The following VWA2 variants were observed in gnomAD, a reference collection of about 807,000 sequenced individuals.
The protein encoded by VWA2 is von Willebrand factor A domain containing 2, also known as von Willebrand factor A domain-containing protein 2.
VWA2 carries 73 observed loss-of-function variants against 70.4 expected under a neutral mutation model. That is an observed-to-expected ratio of 1.04 (90% CI 0.86 to 1.26). The LOEUF is 1.26. VWA2 is among the 50% of genes most tolerant of loss of function. The pLI is 0.00. For synonymous variants in VWA2, 407 were observed against 423.3 expected (o/e 0.96, Z 0.47); for missense variants, 1,011 against 998.5 (o/e 1.01, Z -0.17).
At chr10:114,269,445 G>C (rs2037657605) in intron 5 of VWA2, among the ~76,000 whole-genome samples, 1 of 152,178 alleles carries the variant, frequency 6.6e-6, no homozygotes, top group Admixed American at 6.5e-5. Flanking sequence ...GCAGGGCATG[G>C]TGGTGAGTGC....
intron 5 of VWA2, among the ~76,000 whole-genome samples, chr10:114,267,921 C>T (rs1434455559): frequency 6.6e-6 from 1 of 152,078 alleles, no homozygotes; most frequent in African/African-American, 2.4e-5. Flanking sequence ...CATTAAGTCT[C>T]CTGAGAGATT....
In VWA2 at chr10:114,284,964, A is replaced by G. The variant is rs1169197418; in HGVS notation, c.991A>G (p.Asn331Asp). Residue 331 changes from asparagine to aspartate, a missense_variant, in exon 10 of 14, where the codon AAC becomes GAC. Physicochemically the swap from Asn to Asp is conservative, Grantham distance 23. Transcript: ENST00000392982. ...CCCGCTGGCCTTTGGAGGGGAGGCT[A>G]ACTGTGGTAGGTATGCACCGGCCCT... ...LCPLAFGGEA[N>D]CALKLSLECR... is the part of the protein sequence containing the mutation. 2 of 1,597,346 alleles carry G rather than the reference A, an allele frequency of 1.3e-6. No individual in the cohort carries two copies. The highest frequency in any genetic ancestry group is 4.6e-5 in the East Asian group (2 of 43,640).
At position 114,289,313 on chromosome 10, in the gene VWA2, C is replaced by T; in HGVS notation, c.1946C>T (p.Ala649Val). The change falls in exon 12 of 14, where the codon GCC becomes GTC. Residue 649 changes from alanine (A) to valine (V), a missense_variant. Transcript: ENST00000392982. ...GGCGGGAGAGGCGCAGAGGATGCAG[C>T]CGTTCCTGCCCAGAAGCTGAGGAAC... ...LTGGRGAEDAAVPAQKLRNNG... is the reference protein window; with the variant it reads ...LTGGRGAEDAVVPAQKLRNNG... 1 of 1,614,184 alleles carries T rather than the reference C, an allele frequency of 6.2e-7. No homozygotes were observed. Among genetic ancestry groups the T allele is most frequent in the South Asian group, 1.1e-5 (1 of 91,080 alleles).
chr10:114,272,983 G>A (rs752157201), intron 6 of VWA2, 49 bp downstream of exon 6: 1 of 1,530,990 alleles, frequency 6.5e-7, no homozygotes, highest in Non-Finnish European at 8.9e-7. Flanking sequence ...TCAGCCTGGG[G>A]ATCGTGACAT....
At position 114,292,837 on chromosome 10, in the gene VWA2, C is replaced by T. The variant is rs1053458257; in HGVS notation, c.*1600C>T. On this transcript the variant is annotated 3_prime_UTR_variant, in exon 14 of 14. Transcript: ENST00000392982. The stretch of plus-strand genomic sequence containing the variant: ...TCTCATGCCTCAGCCTCTTGAGTAG[C>T]TGGGATTAGAGGCAGGTGCCACCAT... Among the ~76,000 whole-genome samples the T allele has an allele frequency of 1.8e-4, 27 of 152,130 alleles. No homozygotes were observed. Among genetic ancestry groups the T allele is most frequent in the Admixed American group, 1.5e-3 (23 of 15,274 alleles).
chr10:114,246,179 A>G, intron 1 of VWA2: 1 of 1,191,096 alleles, frequency 8.4e-7, no homozygotes, highest in Non-Finnish European at 1.2e-6. Context: ...TTTTGAGGCA[A>G]ACGTACACCA....
At position 114,272,787 on chromosome 10, in the gene VWA2, G is replaced by C. The variant is rs1455596557; in HGVS notation, c.419G>C (p.Arg140Thr). Residue 140 changes from arginine (R) to threonine (T), a missense_variant, in exon 6 of 14, where the codon AGA (arginine) becomes ACA (threonine). Transcript: ENST00000392982. ...CTTGCTCTGAAATACCTTCTGCACA[G>C]AGGGTTGCCTGGAGGCAGAAATGCT... ...TELALKYLLH[R>T]GLPGGRNASV... 6.2e-7 allele frequency: 1 copy of C among 1,613,852 alleles called. No individual in the cohort carries two copies. The highest frequency in any genetic ancestry group is 1.1e-5 in the South Asian group (1 of 90,964).
intron 8 of VWA2, chr10:114,280,736 T>G (rs2038045074): frequency 6.6e-6 from 1 of 152,014 alleles, no homozygotes; most frequent in African/African-American, 2.4e-5. Context: ...TTGGCAAACT[T>G]TGTTTTTATT....
At chr10:114,266,903 T>A (rs1441085214) in intron 5 of VWA2, among the ~76,000 whole-genome samples, 7 of 152,194 alleles carry the variant, frequency 4.6e-5, no homozygotes. Context: ...TCCTTTTTTT[T>A]CCCCCTTAAT....
At chr10:114,284,048 G>A (rs965057822) in intron 9 of VWA2, among the ~76,000 whole-genome samples, 6 of 152,214 alleles carry the variant, frequency 3.9e-5, no homozygotes, top group African/African-American at 1.4e-4. Context: ...CCCTGGGAAG[G>A]AGGTCATGTG....
chr10:114,264,287 A>G (rs2037512337), intron 5 of VWA2, among the ~76,000 whole-genome samples: 1 of 152,264 alleles, frequency 6.6e-6, no homozygotes, highest in African/African-American at 2.4e-5. Flanking sequence ...TGTATATCCA[A>G]ACAATGGAAT....
chr10:114,273,176 A>AT (rs1445205425), intron 6 of VWA2, among the ~76,000 whole-genome samples: 13 of 152,172 alleles, frequency 8.5e-5, no homozygotes, highest in Non-Finnish European at 5.9e-5. Context: ...CTCTGCTGAA[A>AT]TTTATTTGGG....
At chr10:114,288,676 G>A (rs939494245) in intron 11 of VWA2, among the ~76,000 whole-genome samples, 3 of 152,218 alleles carry the variant, frequency 2.0e-5, no homozygotes, top group South Asian at 2.1e-4. Context: ...AATTGATCAC[G>A]TCCGTCAGAT....
Position 114,254,922 on chromosome 10 carries a change from G to C in VWA2, c.135G>C (p.Trp45Cys). ...GKISAASKMM[W>C]CSAAVDIMFL... ...CTGTCCCGCTCTCCCTAGTGATGTG[G>C]TGCTCGGCTGCAGTGGACATCATGT... Residue 45 changes from tryptophan (W) to cysteine (C), a missense_variant, in exon 4 of 14, where the codon TGG (tryptophan) becomes TGC (cysteine). Physicochemically the swap from Trp to Cys is radical, Grantham distance 215. Transcript: ENST00000392982. 1 of 1,613,358 alleles carries C rather than the reference G, an allele frequency of 6.2e-7. No individual in the cohort carries two copies.
intron 11 of VWA2, among the ~76,000 whole-genome samples, chr10:114,288,656 A>G (rs775289239): frequency 1.3e-5 from 2 of 152,252 alleles, no homozygotes; most frequent in Non-Finnish European, 2.9e-5. Flanking sequence ...TTCCAGCTGC[A>G]TGAGTTTGAA....
chr10:114,268,520 A>G (rs1240052763), intron 5 of VWA2, among the ~76,000 whole-genome samples: 1 of 152,042 alleles, frequency 6.6e-6, no homozygotes, highest in Non-Finnish European at 1.5e-5. Context: ...AGGTAAACAT[A>G]GGTTGAGCAC....
intron 1 of VWA2, chr10:114,246,326 C>T (rs2037067440): frequency 1.7e-6 from 1 of 575,886 alleles, no homozygotes; most frequent in Non-Finnish European, 3.1e-6. Context: ...CATGGTGAAA[C>T]CCCGTCTCTA....
At chr10:114,272,697 C>T in intron 5 of VWA2, 43 bp from the exon 6 acceptor site, 1 of 1,497,548 alleles carries the variant, frequency 6.7e-7, no homozygotes, top group South Asian at 1.4e-5. Context: ...CACCTCCCCA[C>T]ATCATTCACT....
At chr10:114,266,886 C>A (rs537443338) in intron 5 of VWA2, among the ~76,000 whole-genome samples, 1 of 152,246 alleles carries the variant, frequency 6.6e-6, no homozygotes, top group South Asian at 2.1e-4. Flanking sequence ...AATTACAAAG[C>A]ATTTTGTCCT....
Sources: gnomAD v4.1 joint callset for allele counts (sites outside exome capture counted in the v4.1 genomes callset) on GRCh38, gnomAD v4.1.1 for gene constraint, MANE v1.5 for transcripts, NCBI Gene and HGNC (gene_info 2026-07-23, HGNC 2026-07-21) for gene names.